MME: variants seen among roughly 807,000 people sequenced by gnomAD.
MME encodes the protein membrane metalloendopeptidase, also known as neprilysin.
In MME, 98 loss-of-function variants were observed where a neutral mutation model predicts 113.2. That is an observed-to-expected ratio of 0.87 (90% confidence interval 0.74 to 1.02). The LOEUF (loss-of-function observed/expected upper bound fraction) is 1.02, where lower values mean the gene tolerates loss of function less well. MME is among the 50% of genes least tolerant of loss of function. The pLI is 0.00. For synonymous variants in MME, 292 were observed against 300.6 expected (o/e 0.97, Z 0.30); for missense variants, 836 against 896.0 (o/e 0.93, Z 0.86).
chr3:155,123,824 C>G (rs1209308375), intron 8 of MME, among the ~76,000 whole-genome samples: 8 of 74,164 alleles, frequency 1.1e-4, no homozygotes, highest in African/African-American at 3.8e-4. Flanking sequence ...GAGGGTAACC[C>G]GACCTTTCTC....
upstream of MME, among the ~76,000 whole-genome samples, chr3:155,077,722 C>A (rs529361310): frequency 1.3e-5 from 2 of 149,848 alleles, no homozygotes; most frequent in Non-Finnish European, 3.0e-5. Flanking sequence ...CAAAAAAAAA[C>A]GAACAACAGC....
At chr3:155,041,105 C>A (rs1713303868) in intron 1 of MME, among the ~76,000 whole-genome samples, 1 of 152,170 alleles carries the variant, frequency 6.6e-6, no homozygotes, top group Admixed American at 6.6e-5. Flanking sequence ...TTCTCCCTCA[C>A]CCTCCACATC....
At position 155,160,378 on chromosome 3, in the gene MME, T is replaced by C. The variant is rs1388336038; in HGVS notation, c.1602-12T>C. 6.3e-7 allele frequency: 1 copy of C among 1,593,414 alleles called. No individual in the cohort carries two copies. Among genetic ancestry groups the C allele is most frequent in the Non-Finnish European group, 8.6e-7 (1 of 1,161,518 alleles). ...CAGTATCATTTGTAAAGAGTTCTTA[T>C]GTTTTCTACAGGTGGATAAGTGGAG... is the stretch of plus-strand genomic sequence containing the variant. On this transcript the variant is annotated splice_polypyrimidine_tract_variant and intron_variant, in intron 16 of 22. Transcript: ENST00000360490.
chr3:155,024,478 T>C (rs974932321), intron 1 of MME, among the ~76,000 whole-genome samples: 1 of 152,196 alleles, frequency 6.6e-6, no homozygotes, highest in African/African-American at 2.4e-5. Context: ...TGATGCTTAA[T>C]TTGGTGTATG....
intron 15 of MME, 21 bp from the exon 16 acceptor site, chr3:155,148,529 C>T: frequency 6.6e-7 from 1 of 1,522,034 alleles, no homozygotes; most frequent in Non-Finnish European, 9.1e-7. Flanking sequence ...TATTTCTTCC[C>T]AAATCTTCTT....
At position 155,131,950 on chromosome 3, in the gene MME, G is replaced by A. The variant is rs58335810; in HGVS notation, c.721-6152G>A. ...GTTCCCCCAGCAAACTTCTTGTGTA[G>A]CATTATTAAATATTCCCCAACATCA... On this transcript the variant is annotated intron_variant, in intron 8 of 22. Transcript: ENST00000360490. Among the ~76,000 whole-genome samples, 1,142 of 152,244 alleles carry A rather than the reference G, an allele frequency of 7.5e-3. 17 individuals are homozygous for A. Among genetic ancestry groups the A allele is most frequent in the African/African-American group, 0.026 (1,068 of 41,546 alleles).
chr3:155,150,141 G>A (rs1721817120), intron 16 of MME, among the ~76,000 whole-genome samples: 1 of 152,096 alleles, frequency 6.6e-6, no homozygotes. Flanking sequence ...AATATCTATA[G>A]ACAAATACTG....
chr3:155,028,078 A>C (rs951490675), intron 1 of MME, among the ~76,000 whole-genome samples: 4 of 152,182 alleles, frequency 2.6e-5, no homozygotes, highest in African/African-American at 9.6e-5. Flanking sequence ...GTGAAAGGAA[A>C]GGGGTGAGGA....
chr3:155,135,601 T>C (rs765325022), intron 8 of MME, among the ~76,000 whole-genome samples: 1 of 152,198 alleles, frequency 6.6e-6, no homozygotes, highest in African/African-American at 2.4e-5. Flanking sequence ...TTGCTTAGGA[T>C]TACTTTGGCC....
chr3:155,151,487 A>T (rs951718190), intron 16 of MME, among the ~76,000 whole-genome samples: 4 of 152,214 alleles, frequency 2.6e-5, no homozygotes. Context: ...ATCTTCTATC[A>T]TCATCATGTC....
Position 155,085,306 on chromosome 3 carries a change from T to C in MME, c.196+212T>C, listed in dbSNP as rs1576700286. 9.3e-6 allele frequency: 4 copies of C among 432,044 alleles called. No homozygotes were observed. In the East Asian group the frequency reaches 1.5e-4, roughly 16 times the overall value. 26.8% of individuals were successfully genotyped at this position (432,044 alleles called of 1,614,324 possible). On this transcript the variant is annotated intron_variant, in intron 3 of 22. Coordinates refer to ENST00000360490, the MANE Select transcript of MME (RefSeq NM_007289.4). ...AAAAATATATTACTATTTTCAGCCC[T>C]GGGCTGTATAGCAGGGCAATAGAAA...
chr3:155,056,553 A>C (rs1482640690), intron 1 of MME, among the ~76,000 whole-genome samples: 1 of 149,614 alleles, frequency 6.7e-6, no homozygotes, highest in Non-Finnish European at 1.5e-5. Context: ...TATATGTGCC[A>C]CATTTTCTTA....
intron 3 of MME, chr3:155,085,741 G>T (rs2108172422): frequency 6.6e-6 from 1 of 152,378 alleles, no homozygotes; most frequent in African/African-American, 2.4e-5. Context: ...ATATTGATCA[G>T]GCTGGTTTCG....
At chr3:155,052,153 G>T (rs1483395515) in intron 1 of MME, among the ~76,000 whole-genome samples, 1 of 152,242 alleles carries the variant, frequency 6.6e-6, no homozygotes, top group Admixed American at 6.5e-5. Context: ...AGTTTCACCT[G>T]TGGCTTTCCA....
chr3:155,105,523 T>C (rs1282662257), intron 3 of MME, among the ~76,000 whole-genome samples: 1 of 152,162 alleles, frequency 6.6e-6, no homozygotes, highest in Non-Finnish European at 1.5e-5. Flanking sequence ...TTTCTTAAAA[T>C]AGGAGTAATA....
intron 1 of MME, chr3:155,083,631 A>G (rs927678457): frequency 1.3e-5 from 2 of 158,484 alleles, no homozygotes; most frequent in East Asian, 3.7e-4. Flanking sequence ...AAAATAAACT[A>G]CTTCATGTGT....
chr3:155,172,045 G>A lies in MME; in HGVS notation c.1981-72G>A, dbSNP rs529051902. On this transcript the variant is annotated intron_variant, in intron 20 of 22. Coordinates refer to ENST00000360490, the MANE Select transcript of MME (RefSeq NM_007289.4). The stretch of plus-strand genomic sequence containing the variant: ...TAAAATGTTAATTACTTGGTGGCAT[G>A]ATCTTTTACATAGGTTTATATATAA... 1.4e-4 allele frequency: 126 copies of A among 886,368 alleles called. 1 individual carries two copies. Among genetic ancestry groups the A allele is most frequent in the South Asian group, 1.3e-3 (91 of 69,126 alleles). The allele number at this position is 886,368 out of a possible 1,614,324, so 54.9% of individuals were successfully genotyped here.
Position 155,178,490 on chromosome 3 carries a change from C to A in MME, c.2154-1870C>A, listed in dbSNP as rs1044597229. 2.6e-5 allele frequency among the ~76,000 whole-genome samples: 4 copies of A among 152,128 alleles called. 1 individual carries two copies. In the South Asian group the frequency reaches 8.3e-4, roughly 32 times the overall value. ...AAGTCGTGTTTTTCTTCCTAATACC[C>A]TATTGCTTCTCTACAGGTAATCACT... On this transcript the variant is annotated intron_variant, in intron 22 of 22. Coordinates refer to ENST00000360490, the MANE Select transcript of MME (RefSeq NM_007289.4).
At chr3:155,082,057 A>G (rs957398043) in intron 1 of MME, 1 of 152,174 alleles carries the variant, frequency 6.6e-6, no homozygotes, top group African/African-American at 2.4e-5. Context: ...CTGCTTCAGT[A>G]CCCAGTCTCA....
Sources: allele counts gnomAD v4.1 joint callset (sites outside exome capture counted in the v4.1 genomes callset), GRCh38; gene constraint gnomAD v4.1.1; transcripts MANE v1.5; gene names NCBI Gene and HGNC (gene_info 2026-07-23, HGNC 2026-07-21).